DDX6: variants seen among roughly 807,000 people sequenced by gnomAD.
DDX6 encodes the protein DEAD-box helicase 6.
A neutral mutation model predicts 60.6 loss-of-function variants in DDX6; 7 were observed. The observed-to-expected ratio is 0.12, with a 90% CI of 0.07 to 0.22. The LOEUF (loss-of-function observed/expected upper bound fraction) is 0.22. Among genes scored for constraint, DDX6 ranks in the 10% least tolerant of loss-of-function variants. The probability of loss-of-function intolerance (pLI) is 1.00; values close to 1 mark genes in which losing one functional copy is unlikely to be tolerated. For synonymous variants in DDX6, 207 were observed against 201.0 expected (o/e 1.03, Z -0.25); for missense variants, 270 against 589.9 (o/e 0.46, Z 5.62).
At chr11:118,765,184 C>A (rs782155583) in intron 6 of DDX6, 25 bp downstream of exon 6, 2 of 1,610,084 alleles carry the variant, frequency 1.2e-6, no homozygotes, top group South Asian at 2.2e-5. Context: ...GAGAGCTACA[C>A]TACCTTTTAG....
In DDX6 at chr11:118,766,264, TA is replaced by T. The variant is rs111501014; in HGVS notation, c.500-910del. Among the ~76,000 whole-genome samples, 145 of 142,778 alleles carry T rather than the reference TA, an allele frequency of 1.0e-3. No individual in the cohort carries two copies. The East Asian group carries it at 0.017, about 17-fold the overall frequency. 93.7% of individuals were successfully genotyped at this position (142,778 alleles called of 152,430 possible). ...CAACATAGCAAGACCCCATCTCTACTAAAAAAAAAAATGAAAAAAATTAGCT... is the reference window on the plus strand; with the variant it reads ...CAACATAGCAAGACCCCATCTCTACTAAAAAAAAAATGAAAAAAATTAGCT... On this transcript the variant is annotated intron_variant, in intron 5 of 13. Coordinates refer to ENST00000534980, the MANE Select transcript of DDX6 (RefSeq NM_004397.6).
At chr11:118,784,615 C>G (rs1341749869) in intron 2 of DDX6, among the ~76,000 whole-genome samples, 3 of 152,136 alleles carry the variant, frequency 2.0e-5, no homozygotes, top group African/African-American at 7.2e-5. Context: ...CATGCCATCA[C>G]ACCCAGCTGA....
chr11:118,776,047 G>A (rs1229631862), intron 4 of DDX6, among the ~76,000 whole-genome samples: 2 of 152,186 alleles, frequency 1.3e-5, no homozygotes, highest in East Asian at 3.8e-4. Flanking sequence ...AGGAGGCTGG[G>A]GCAGGAGTAT....
intron 11 of DDX6, 102 bp downstream of exon 11, chr11:118,756,158 G>T: frequency 1.2e-6 from 1 of 819,474 alleles, no homozygotes; most frequent in Non-Finnish European, 2.0e-6. Context: ...GTGGTAGGGT[G>T]TGTCGGACTA....
At position 118,747,843 on chromosome 11, in the gene DDX6, A is replaced by C. The variant is rs1860609739; in HGVS notation, c.*4262T>G. 6.6e-6 allele frequency: 1 copy of C among 151,312 alleles called. No individual in the cohort carries two copies. The highest frequency in any genetic ancestry group is 1.5e-5 in the Non-Finnish European group (1 of 67,920). 9.4% of individuals were successfully genotyped at this position (151,312 alleles called of 1,614,324 possible). On this transcript the variant is annotated 3_prime_UTR_variant, in exon 14 of 14. Transcript: ENST00000534980. The stretch of plus-strand genomic sequence containing the variant: ...CATATTTTTGGAACCTTATAAACTC[A>C]GCAGACTCCGGTCCATATATGCGTA...
chr11:118,758,924 G>A, intron 8 of DDX6, 22 bp from the exon 9 acceptor site: 1 of 1,612,720 alleles, frequency 6.2e-7, no homozygotes, highest in South Asian at 1.1e-5. Flanking sequence ...GCGGGAAAAA[G>A]ATGAGTCGTC....
intron 3 of DDX6, 23 bp from the exon 4 acceptor site, chr11:118,779,759 TA>T (rs782599225): frequency 2.0e-6 from 3 of 1,509,364 alleles, no homozygotes; most frequent in Non-Finnish European, 2.7e-6. Flanking sequence ...AAAGGAACAA[TA>T]AAAGAATAAA....
chr11:118,775,671 G>A (rs1216120834), intron 4 of DDX6, among the ~76,000 whole-genome samples: 6 of 152,266 alleles, frequency 3.9e-5, no homozygotes, highest in African/African-American at 1.4e-4. Context: ...ATCCTGTGAG[G>A]GAGAGTACTT....
In DDX6 at chr11:118,747,786, T is replaced by C. The variant is rs1591870760; in HGVS notation, c.*4319A>G. ...CATTTGGAGTTCCAGTGGGCTTTTA[T>C]TGAGATAAATTAACAAAAACCAAGA... On this transcript the variant is annotated 3_prime_UTR_variant, in exon 14 of 14. Transcript: ENST00000534980. 1 of 152,252 alleles carries C rather than the reference T, an allele frequency of 6.6e-6. No individual in the cohort carries two copies. Among genetic ancestry groups the C allele is most frequent in the South Asian group, 2.1e-4 (1 of 4,826 alleles). The allele number at this position is 152,252 out of a possible 1,614,324, so 9.4% of individuals were successfully genotyped here. A position where few individuals can be genotyped will look rare whatever the true frequency, so the allele number is the denominator to read the frequency against.
intron 5 of DDX6, among the ~76,000 whole-genome samples, chr11:118,766,694 A>C (rs2137468159): frequency 6.6e-6 from 1 of 152,122 alleles, no homozygotes; most frequent in Non-Finnish European, 1.5e-5. Context: ...CCCAGGTTCA[A>C]GCAATTCTCC....
intron 4 of DDX6, among the ~76,000 whole-genome samples, chr11:118,769,764 G>A (rs1861474862): frequency 6.6e-6 from 1 of 152,158 alleles, no homozygotes; most frequent in African/African-American, 2.4e-5. Flanking sequence ...GAGTGCAGTG[G>A]CACAATCTCG....
chr11:118,786,391 G>T lies in DDX6; in HGVS notation c.-140C>A. 3.2e-6 allele frequency: 2 copies of T among 619,212 alleles called. No homozygotes were observed. The highest frequency in any genetic ancestry group is 3.0e-5 in the East Asian group (1 of 33,766). The allele number at this position is 619,212 out of a possible 1,614,324, so 38.4% of individuals were successfully genotyped here. A position where few individuals can be genotyped will look rare whatever the true frequency, so the allele number is the denominator to read the frequency against. ...CAATAAATGAGTCCTTTATTGCAAT[G>T]CAGGCAAGCACCTGTAAGTCTCTGA... On this transcript the variant is annotated 5_prime_UTR_variant, in exon 2 of 14. Coordinates refer to ENST00000534980, the MANE Select transcript of DDX6 (RefSeq NM_004397.6).
chr11:118,789,887 C>G (rs1478713060), intron 1 of DDX6: 1 of 152,090 alleles, frequency 6.6e-6, no homozygotes, highest in Non-Finnish European at 1.5e-5. Context: ...CTACCCCTTC[C>G]CAATTTAGAT....
chr11:118,777,897 G>GAAAAAA (rs374046858), intron 4 of DDX6, among the ~76,000 whole-genome samples: 2 of 99,646 alleles, frequency 2.0e-5, no homozygotes, highest in Non-Finnish European at 1.9e-5. Flanking sequence ...TCAAAAAAGA[G>GAAAAAA]AAAAAAAAAA....
At chr11:118,788,245 G>T (rs1160113139) in intron 1 of DDX6, 1 of 152,190 alleles carries the variant, frequency 6.6e-6, no homozygotes, top group Non-Finnish European at 1.5e-5. Flanking sequence ...GGAGGCTGCA[G>T]TGAGTCCAGA....
intron 5 of DDX6, chr11:118,767,624 G>GC (rs1435619044): frequency 2.2e-5 from 2 of 92,986 alleles, no homozygotes; most frequent in African/African-American, 9.5e-5. Flanking sequence ...GACCTCAGCC[G>GC]CCTTTTTTTT....
intron 4 of DDX6, 105 bp downstream of exon 4, chr11:118,779,527 T>C (rs1336399693): frequency 1.9e-5 from 13 of 694,716 alleles, no homozygotes; most frequent in Admixed American, 3.1e-5. Context: ...TGTGTATACG[T>C]GAGAGAGAAA....
chr11:118,762,422 T>C (rs1861207135), intron 7 of DDX6, among the ~76,000 whole-genome samples: 1 of 152,074 alleles, frequency 6.6e-6, no homozygotes, highest in South Asian at 2.1e-4. Flanking sequence ...AAGTTGAAAA[T>C]ATTACCCAAA....
chr11:118,779,457 A>G (rs1555164234), intron 4 of DDX6, among the ~76,000 whole-genome samples, 175 bp downstream of exon 4: 1 of 152,176 alleles, frequency 6.6e-6, no homozygotes, highest in Non-Finnish European at 1.5e-5. Flanking sequence ...TACACACCGA[A>G]ATATTTAGAG....
Sources: gnomAD v4.1 joint callset for allele counts (sites outside exome capture counted in the v4.1 genomes callset) on GRCh38, gnomAD v4.1.1 for gene constraint, MANE v1.5 for transcripts, NCBI Gene and HGNC (gene_info 2026-07-23, HGNC 2026-07-21) for gene names.